BCKDHB: variants seen among roughly 807,000 people sequenced by gnomAD.
BCKDHB encodes the protein 2-oxoisovalerate dehydrogenase subunit beta, mitochondrial.
A neutral mutation model predicts 48.5 loss-of-function variants in BCKDHB; 41 were observed. The ratio of observed to expected loss-of-function variants is 0.85; its 90% confidence interval spans 0.66 to 1.10. BCKDHB has a LOEUF of 1.10. Among genes scored for constraint, BCKDHB ranks in the 50% least tolerant of loss-of-function variants. BCKDHB has a pLI of 0.00. For missense variants in BCKDHB, 496 were observed against 494.2 expected, an observed-to-expected ratio of 1.00 and a Z score of -0.03; for synonymous variants, 201 against 174.8, an observed-to-expected ratio of 1.15 and a Z score of -1.18.
intron 8 of BCKDHB, among the ~76,000 whole-genome samples, chr6:80,259,804 C>A (rs186237889): frequency 2.6e-5 from 4 of 152,014 alleles, no homozygotes; most frequent in Admixed American, 2.6e-4. Flanking sequence ...GCCAAAAACC[C>A]AATTCTGAAT....
intron 3 of BCKDHB, among the ~76,000 whole-genome samples, chr6:80,166,328 T>C (rs1471507974): frequency 1.3e-5 from 2 of 152,150 alleles, no homozygotes; most frequent in African/African-American, 2.4e-5. Context: ...TTATAGTTTC[T>C]TCTTTGAGCT....
chr6:80,145,329 T>C (rs538040360), intron 3 of BCKDHB, among the ~76,000 whole-genome samples: 158 of 152,170 alleles, frequency 1.0e-3, no homozygotes, highest in Non-Finnish European at 1.9e-3. Flanking sequence ...AAAGCCTGTG[T>C]TGATGGTGCA....
the BCKDHB span, among the ~76,000 whole-genome samples, chr6:80,397,807 A>G: frequency 3.3e-5 from 5 of 152,178 alleles, no homozygotes; most frequent in African/African-American, 1.2e-4. Context: ...TGAACCTGGG[A>G]GGCAGAGTTT....
rs1485230613 is a variant in BCKDHB, at chr6:80,130,391, C to G, written c.343+1162C>G. ...AATTGTTGTCTCTTTTTCTGTTCCA[C>G]TCTTTCTGAGGTTATGTTATACTTA... On this transcript the variant is annotated intron_variant, in intron 3 of 9. Coordinates refer to ENST00000320393, the MANE Select transcript of BCKDHB (RefSeq NM_183050.4). Among the ~76,000 whole-genome samples, 3 of 152,182 alleles carry G rather than the reference C, an allele frequency of 2.0e-5. No individual in the cohort carries two copies. The East Asian group carries it at 5.8e-4, about 29-fold the overall frequency.
chr6:80,439,845 C>G, the BCKDHB span, among the ~76,000 whole-genome samples: 1 of 152,144 alleles, frequency 6.6e-6, no homozygotes, highest in African/African-American at 2.4e-5. Flanking sequence ...GAAGACATGC[C>G]TAACTCCTGT....
At chr6:80,325,052 AT>A (rs1395349191) in intron 9 of BCKDHB, among the ~76,000 whole-genome samples, 1 of 152,196 alleles carries the variant, frequency 6.6e-6, no homozygotes, top group Admixed American at 6.5e-5. Context: ...GTGGTCTTGT[AT>A]GGGGACGGTT....
intron 8 of BCKDHB, among the ~76,000 whole-genome samples, chr6:80,225,056 C>T (rs1477934134): frequency 1.3e-5 from 2 of 152,170 alleles, no homozygotes; most frequent in African/African-American, 4.8e-5. Flanking sequence ...TGTAACTTGC[C>T]TTTGAATATT....
chr6:80,226,391 C>T (rs1775677506), intron 8 of BCKDHB, among the ~76,000 whole-genome samples: 1 of 152,156 alleles, frequency 6.6e-6, no homozygotes, highest in African/African-American at 2.4e-5. Context: ...ATTGAAACTT[C>T]CATGACTATT....
At chr6:80,252,780 G>A (rs2127937702) in intron 8 of BCKDHB, among the ~76,000 whole-genome samples, 1 of 152,202 alleles carries the variant, frequency 6.6e-6, no homozygotes, top group South Asian at 2.1e-4. Flanking sequence ...TACTAAATGA[G>A]TAACATAAAT....
chr6:80,171,499 G>A lies in BCKDHB; in HGVS notation c.742+109G>A, dbSNP rs936473308. ...TATATGGTTGATTTATATTTTCCTT[G>A]TAGAAAGAATCTTGATTTTTTTGGT... On this transcript the variant is annotated intron_variant, in intron 6 of 9. Transcript: ENST00000320393. 6.0e-6 allele frequency: 4 copies of A among 671,976 alleles called. No homozygotes were observed. In the East Asian group the frequency reaches 1.3e-4, roughly 21 times the overall value. 41.6% of individuals were successfully genotyped at this position (671,976 alleles called of 1,614,324 possible).
chr6:80,248,701 G>A (rs1468655710), intron 8 of BCKDHB, among the ~76,000 whole-genome samples: 1 of 152,102 alleles, frequency 6.6e-6, no homozygotes, highest in Non-Finnish European at 1.5e-5. Context: ...AAAGTTTAAG[G>A]TATCCAGTGG....
At chr6:80,124,536 G>A (rs1307082398) in intron 1 of BCKDHB, among the ~76,000 whole-genome samples, 1 of 152,074 alleles carries the variant, frequency 6.6e-6, no homozygotes, top group Non-Finnish European at 1.5e-5. Context: ...CTCTTTGTAG[G>A]TCTCTAAGGA....
chr6:80,346,999 A>AAAAG (rs1770229652), downstream of BCKDHB, among the ~76,000 whole-genome samples: 1 of 142,880 alleles, frequency 7.0e-6, no homozygotes, highest in African/African-American at 2.8e-5. Context: ...GAAAAAAGCA[A>AAAAG]AAAGAAAAAA....
intron 9 of BCKDHB, among the ~76,000 whole-genome samples, chr6:80,287,790 G>A (rs187460900): frequency 6.6e-6 from 1 of 152,238 alleles, no homozygotes; most frequent in East Asian, 1.9e-4. Flanking sequence ...AGTCTGCTGA[G>A]GGCATGTTTA....
At chr6:80,374,812 CT>C in the BCKDHB span, among the ~76,000 whole-genome samples, 4 of 152,022 alleles carry the variant, frequency 2.6e-5, no homozygotes, top group East Asian at 5.8e-4. Flanking sequence ...AGATTTAGAA[CT>C]TTTTTTTAGC....
intron 9 of BCKDHB, among the ~76,000 whole-genome samples, chr6:80,336,452 G>T (rs1278312375): frequency 7.3e-6 from 1 of 136,708 alleles, no homozygotes; most frequent in African/African-American, 2.7e-5. Context: ...TTAGGATTCA[G>T]TTCCATTCTT....
chr6:80,218,484 G>T (rs892457104), intron 8 of BCKDHB, among the ~76,000 whole-genome samples: 6 of 151,940 alleles, frequency 3.9e-5, no homozygotes, highest in African/African-American at 1.5e-4. Context: ...TGTAACTTTT[G>T]ATTTATAAAT....
intron 1 of BCKDHB, among the ~76,000 whole-genome samples, chr6:80,120,889 G>A (rs1001293047): frequency 1.3e-5 from 2 of 152,066 alleles, no homozygotes; most frequent in African/African-American, 4.8e-5. Context: ...TGTCTATTTT[G>A]TCTTTTGTTG....
rs114608019 is a variant in BCKDHB, at chr6:80,270,627, G to A, written c.952-2508G>A. ...CCTCATCTGAGAGCACACAATTTTT[G>A]TAATGCACATACAGAGGTGTTGAAG... On this transcript the variant is annotated intron_variant, in intron 8 of 9. Transcript: ENST00000320393. Among the ~76,000 whole-genome samples the A allele has an allele frequency of 4.1e-3, 623 of 152,182 alleles. 3 individuals carry two copies. The highest frequency in any genetic ancestry group is 0.014 in the African/African-American group (584 of 41,514).
Sources: gnomAD v4.1 joint callset for allele counts (sites outside exome capture counted in the v4.1 genomes callset) on GRCh38, gnomAD v4.1.1 for gene constraint, MANE v1.5 for transcripts, NCBI Gene and HGNC (gene_info 2026-07-23, HGNC 2026-07-21) for gene names.